Variants in NRAP observed in about 807,000 individuals in gnomAD.
NRAP encodes nebulin related anchoring protein, also known as nebulin-related-anchoring protein.
Under a neutral mutation model 225.9 loss-of-function variants are expected in NRAP, and 189 were observed. The ratio of observed to expected loss-of-function variants is 0.84; its 90% CI spans 0.74 to 0.94. NRAP has a LOEUF of 0.94. Among genes scored for constraint, NRAP ranks in the 40% least tolerant of loss-of-function variants. NRAP has a pLI of 0.00. For synonymous variants in NRAP, 769 were observed against 790.7 expected (o/e 0.97, Z 0.46); for missense variants, 2,176 against 2,168.7 (o/e 1.00, Z -0.07).
intron 20 of NRAP, among the ~76,000 whole-genome samples, chr10:113,627,229 T>C (rs1253586700): frequency 2.0e-5 from 3 of 152,218 alleles, no homozygotes; most frequent in South Asian, 2.1e-4. Context: ...CTTCACCACA[T>C]AACTGAAGGG....
chr10:113,620,763 T>A (rs1847941364), intron 24 of NRAP, 55 bp from the exon 25 acceptor site: 1 of 1,262,268 alleles, frequency 7.9e-7, no homozygotes. Context: ...TGCACAGACA[T>A]TTAAAGGGCT....
At chr10:113,600,922 G>A (rs1846559180) in intron 35 of NRAP, among the ~76,000 whole-genome samples, 1 of 152,332 alleles carries the variant, frequency 6.6e-6, no homozygotes, top group Non-Finnish European at 1.5e-5. Context: ...TGTTATTTCT[G>A]AGGGAAAAAC....
chr10:113,636,318 G>A (rs1848866165), intron 14 of NRAP, among the ~76,000 whole-genome samples: 2 of 152,204 alleles, frequency 1.3e-5, no homozygotes, highest in South Asian at 4.1e-4. Context: ...CTCTTGTACT[G>A]TTCTATCATT....
intron 28 of NRAP, 71 bp downstream of exon 28, chr10:113,614,768 G>A (rs539329477): frequency 1.8e-5 from 16 of 896,360 alleles, no homozygotes; most frequent in African/African-American, 1.6e-4. Context: ...AAGAAGGCAG[G>A]AGTTACGGGC....
At chr10:113,647,781 GAAAACCTCA>G (rs911490872) in intron 9 of NRAP, among the ~76,000 whole-genome samples, 19 of 152,280 alleles carry the variant, frequency 1.2e-4, no homozygotes, top group African/African-American at 3.9e-4. Flanking sequence ...AATATGGGAG[GAAAACCTCA>G]AATTACCATA....
At chr10:113,613,425 T>A (rs1164197406) in intron 29 of NRAP, among the ~76,000 whole-genome samples, 9 of 152,234 alleles carry the variant, frequency 5.9e-5, no homozygotes, top group African/African-American at 2.2e-4. Flanking sequence ...TACTTCCCTA[T>A]GAGAAAATAA....
intron 35 of NRAP, among the ~76,000 whole-genome samples, chr10:113,602,387 A>T (rs1375288449): frequency 3.3e-5 from 5 of 152,140 alleles, no homozygotes; most frequent in Non-Finnish European, 7.4e-5. Context: ...CATTGACAAG[A>T]GGGTCCCTGG....
intron 16 of NRAP, 61 bp from the exon 17 acceptor site, chr10:113,632,025 G>A (rs1235210472): frequency 1.8e-6 from 2 of 1,095,540 alleles, no homozygotes; most frequent in Non-Finnish European, 2.8e-6. Flanking sequence ...AAACGTCAAA[G>A]ATTTTTTCAA....
chr10:113,641,538 C>T, intron 12 of NRAP, 66 bp from the exon 13 acceptor site: 1 of 862,526 alleles, frequency 1.2e-6, no homozygotes, highest in Non-Finnish European at 2.0e-6. Flanking sequence ...ATAAACTACT[C>T]ATCTTAATGC....
In NRAP at chr10:113,634,766, G is replaced by C. The variant is rs575280664; in HGVS notation, c.1429-556C>G. Among the ~76,000 whole-genome samples the C allele has an allele frequency of 3.9e-5, 6 of 152,228 alleles. No individual in the cohort carries two copies. The East Asian group carries it at 1.2e-3, about 29-fold the overall frequency. ...AATTAAAGCAGTATATCCACACATA[G>C]TATACTTTCCTATATACGTCTTATA... is the stretch of plus-strand genomic sequence containing the variant. On this transcript the variant is annotated intron_variant, in intron 14 of 41. Transcript: ENST00000359988.
At chr10:113,632,269 AGT>A (rs1848621843) in intron 16 of NRAP, among the ~76,000 whole-genome samples, 2 of 152,170 alleles carry the variant, frequency 1.3e-5, no homozygotes, top group African/African-American at 4.8e-5. Flanking sequence ...ATTTGCAAAG[AGT>A]GTATCATATT....
rs751181314 is a variant in NRAP, at chr10:113,589,817, C to T, written c.4957-20G>A. 1 of 1,611,008 alleles carries T rather than the reference C, an allele frequency of 6.2e-7. No individual in the cohort carries two copies. Among genetic ancestry groups the T allele is most frequent in the African/African-American group, 1.3e-5 (1 of 74,822 alleles). On this transcript the variant is annotated intron_variant, in intron 40 of 41. Transcript: ENST00000359988. ...CTTGACCTTGAGGGTAAGAGGGAAGCAAGAGGAATATGTCAGCAGGGTTTG... is the reference window on the plus strand; with the variant it reads ...CTTGACCTTGAGGGTAAGAGGGAAGTAAGAGGAATATGTCAGCAGGGTTTG...
intron 9 of NRAP, among the ~76,000 whole-genome samples, chr10:113,649,740 C>T (rs181963536): frequency 5.3e-5 from 8 of 152,286 alleles, no homozygotes; most frequent in East Asian, 1.9e-4. Flanking sequence ...TTAGTCCTAG[C>T]GACTGTTCTT....
At chr10:113,637,642 G>A (rs1325722294) in intron 14 of NRAP, among the ~76,000 whole-genome samples, 1 of 152,180 alleles carries the variant, frequency 6.6e-6, no homozygotes, top group Admixed American at 6.5e-5. Flanking sequence ...AACATCATTA[G>A]GCTGGGTGTG....
chr10:113,619,951 G>A (rs1564723351), intron 25 of NRAP, among the ~76,000 whole-genome samples: 2 of 152,108 alleles, frequency 1.3e-5, no homozygotes, highest in Non-Finnish European at 2.9e-5. Flanking sequence ...CTTGTAGGAC[G>A]TCCTGCTAAA....
intron 41 of NRAP, 173 bp downstream of exon 41, chr10:113,589,493 C>G: frequency 1.4e-6 from 1 of 714,412 alleles, no homozygotes; most frequent in Non-Finnish European, 2.3e-6. Flanking sequence ...ACCTGCGTGT[C>G]ATCTGCCTGG....
At chr10:113,645,494 C>A (rs112028086) in intron 11 of NRAP, among the ~76,000 whole-genome samples, 1 of 151,994 alleles carries the variant, frequency 6.6e-6, no homozygotes, top group Non-Finnish European at 1.5e-5. Context: ...CTCGGCTCAC[C>A]GCGACCTCCG....
chr10:113,657,313 G>A (rs570692395), intron 4 of NRAP, among the ~76,000 whole-genome samples, 157 bp downstream of exon 4: 2 of 152,270 alleles, frequency 1.3e-5, no homozygotes, highest in Admixed American at 6.5e-5. Flanking sequence ...GTGATATTAG[G>A]ACACGCTGAT....
chr10:113,662,686 A>T lies in NRAP; in HGVS notation c.248T>A (p.Ile83Asn), dbSNP rs143591218. 103 of 1,545,930 alleles carry T rather than the reference A, an allele frequency of 6.7e-5. No individual in the cohort carries two copies. The highest frequency in any genetic ancestry group is 8.8e-5 in the Non-Finnish European group (98 of 1,117,718). The change falls in exon 3 of 42, where the codon ATC (isoleucine) becomes AAC (asparagine). Residue 83 changes from isoleucine (I) to asparagine (N), a missense_variant. Coordinates refer to ENST00000359988, the MANE Select transcript of NRAP (RefSeq NM_198060.4). ...GAAAATTAAATAACTTACCCCACTGATGGCCTCTGGAAATGTCCTCACATT... is the reference window on the plus strand; with the variant it reads ...GAAAATTAAATAACTTACCCCACTGTTGGCCTCTGGAAATGTCCTCACATT... ...NLNVRTFPEA[I>N]SGIHDQEDGE...
Sources: gnomAD v4.1 joint callset for allele counts (sites outside exome capture counted in the v4.1 genomes callset) on GRCh38, gnomAD v4.1.1 for gene constraint, MANE v1.5 for transcripts, NCBI Gene and HGNC (gene_info 2026-07-23, HGNC 2026-07-21) for gene names.